Variants in IRF2 observed in about 807,000 individuals in gnomAD.
The protein encoded by IRF2 is interferon regulatory factor 2.
In IRF2, 15 loss-of-function variants were observed where a neutral mutation model predicts 40.6. That is an observed-to-expected ratio of 0.37 (90% CI 0.25 to 0.57). The LOEUF (loss-of-function observed/expected upper bound fraction) is 0.57, where lower values mean the gene tolerates loss of function less well. Ranked by LOEUF, IRF2 falls within the 20% of genes least tolerant of loss-of-function variation. The probability of loss-of-function intolerance (pLI) is 0.77; values close to 1 mark genes in which losing one functional copy is unlikely to be tolerated. For missense variants in IRF2, 317 were observed against 455.7 expected (o/e 0.70, Z 2.77); for synonymous variants, 151 against 165.5 (o/e 0.91, Z 0.67).
chr4:184,443,100 A>C (rs58339330), intron 1 of IRF2, among the ~76,000 whole-genome samples: 139 of 152,058 alleles, frequency 9.1e-4, no homozygotes, highest in African/African-American at 3.2e-3. Flanking sequence ...GAATTTTTGC[A>C]TTTTTAGTAG....
At chr4:184,396,860 T>G (rs1261048729) in intron 7 of IRF2, among the ~76,000 whole-genome samples, 1 of 152,110 alleles carries the variant, frequency 6.6e-6, no homozygotes, top group East Asian at 1.9e-4. Flanking sequence ...CCCAGCACTT[T>G]GGGAGGCTGA....
At chr4:184,471,149 T>C (rs1739500096) in intron 1 of IRF2, among the ~76,000 whole-genome samples, 1 of 152,236 alleles carries the variant, frequency 6.6e-6, no homozygotes, top group African/African-American at 2.4e-5. Flanking sequence ...ATTTTGAAAG[T>C]TAATGCCTTA....
chr4:184,420,170 G>A (rs60880601), intron 2 of IRF2, among the ~76,000 whole-genome samples: 2,241 of 152,232 alleles, frequency 0.015, 53 homozygotes, highest in African/African-American at 0.052. Context: ...ACCCGGCCCT[G>A]TGCCTCTTTT....
At position 184,447,347 on chromosome 4, in the gene IRF2, C is replaced by T. The variant is rs76283714; in HGVS notation, c.-6-18277G>A. Among the ~76,000 whole-genome samples, 298 of 152,146 alleles carry T rather than the reference C, an allele frequency of 2.0e-3. 7 individuals carry two copies. In the East Asian group the frequency reaches 0.044, roughly 22 times the overall value. On this transcript the variant is annotated intron_variant, in intron 1 of 8. Coordinates refer to ENST00000393593, the MANE Select transcript of IRF2 (RefSeq NM_002199.4). ...TGTCATTGAACAAAATTGGAATCTA[C>T]GAATAAATAAATAGGGGAATGAAAA...
intron 1 of IRF2, among the ~76,000 whole-genome samples, chr4:184,454,546 T>C (rs905517541): frequency 6.6e-6 from 1 of 152,216 alleles, no homozygotes; most frequent in South Asian, 2.1e-4. Flanking sequence ...TTTTGGAAGA[T>C]ACCTACTGCC....
intron 1 of IRF2, among the ~76,000 whole-genome samples, chr4:184,473,598 G>C (rs1369007252): frequency 6.8e-6 from 1 of 147,682 alleles, no homozygotes; most frequent in Non-Finnish European, 1.5e-5. Flanking sequence ...CCAGCCCCCA[G>C]GAAGCAGGGC....
rs1737583810 is a variant in IRF2, at chr4:184,424,119, G to GTATATGTA, written c.88-4552_88-4551insTACATATA. Among the ~76,000 whole-genome samples the GTATATGTA allele has an allele frequency of 2.0e-5, 3 of 152,104 alleles. No individual in the cohort carries two copies. In the South Asian group the frequency reaches 6.2e-4, roughly 32 times the overall value. On this transcript the variant is annotated intron_variant, in intron 2 of 8. Transcript: ENST00000393593. ...CAAAATATTCATACATCTAGATACA[G>GTATATGTA]GCATATGAAAATTTGCTATCCTATT...
chr4:184,411,453 A>G lies in IRF2; in HGVS notation c.412-3178T>C, dbSNP rs1447723114. Among the ~76,000 whole-genome samples the G allele has an allele frequency of 5.9e-5, 9 of 152,224 alleles. No individual in the cohort carries two copies. The East Asian group carries it at 1.7e-3, about 29-fold the overall frequency. On this transcript the variant is annotated intron_variant, in intron 5 of 8. Coordinates refer to ENST00000393593, the MANE Select transcript of IRF2 (RefSeq NM_002199.4). ...GATGGAGGCTAGGAGAGACTATTCC[A>G]AACACTGTGTTACTCCCCTCACCCC...
chr4:184,393,411 CT>C (rs1331128900), intron 7 of IRF2, among the ~76,000 whole-genome samples: 1 of 152,176 alleles, frequency 6.6e-6, no homozygotes, highest in Non-Finnish European at 1.5e-5. Flanking sequence ...TCTTCTTTTC[CT>C]TTCCCCTCCA....
intron 8 of IRF2, among the ~76,000 whole-genome samples, chr4:184,390,225 A>G (rs949423064): frequency 2.6e-5 from 4 of 151,954 alleles, no homozygotes; most frequent in Non-Finnish European, 5.9e-5. Context: ...GGGAGAGGGG[A>G]CGGGACCCAC....
intron 6 of IRF2, chr4:184,407,106 A>G: frequency 1.0e-6 from 1 of 960,198 alleles, no homozygotes; most frequent in South Asian, 1.3e-5. Flanking sequence ...GACCAGTCAG[A>G]CAGAATGTCC....
intron 5 of IRF2, among the ~76,000 whole-genome samples, chr4:184,414,304 C>G (rs966558956): frequency 2.0e-5 from 3 of 152,232 alleles, no homozygotes; most frequent in Admixed American, 2.0e-4. Context: ...TATACATGCA[C>G]TGATGATGTA....
At position 184,408,023 on chromosome 4, in the gene IRF2, G is replaced by C; in HGVS notation, c.529+135C>G. 5.2e-6 allele frequency: 3 copies of C among 582,388 alleles called. No individual in the cohort carries two copies. The highest frequency in any genetic ancestry group is 9.3e-6 in the Non-Finnish European group (3 of 322,620). 36.1% of individuals were successfully genotyped at this position (582,388 alleles called of 1,614,324 possible). On this transcript the variant is annotated intron_variant, in intron 6 of 8. Transcript: ENST00000393593. The surrounding 1 kb of genome is among the most constrained non-coding windows in gnomAD (Gnocchi z 4.9). Reference sequence around the variant, plus strand: ...CGTTTCTCAGCCTTGAAATCTGGGGGCTGGAACTTGCATTCTGAGATGATT... The same window carrying C: ...CGTTTCTCAGCCTTGAAATCTGGGGCCTGGAACTTGCATTCTGAGATGATT...
chr4:184,404,497 C>T (rs764871299), intron 6 of IRF2, among the ~76,000 whole-genome samples: 19 of 152,072 alleles, frequency 1.2e-4, no homozygotes, highest in East Asian at 7.7e-4. Context: ...AGGATCAGTA[C>T]GATTATTTCC....
At chr4:184,450,852 G>A (rs1738688295) in intron 1 of IRF2, among the ~76,000 whole-genome samples, 1 of 152,050 alleles carries the variant, frequency 6.6e-6, no homozygotes, top group African/African-American at 2.4e-5. Context: ...TTGTTTGTTT[G>A]TTTGTTGCTG....
At chr4:184,417,004 C>T (rs776743618) in intron 5 of IRF2, among the ~76,000 whole-genome samples, 17 of 152,038 alleles carry the variant, frequency 1.1e-4, no homozygotes, top group Non-Finnish European at 2.4e-4. Flanking sequence ...CAAGATCGCG[C>T]CATTGCACTC....
At chr4:184,425,934 G>A (rs1305275083) in intron 2 of IRF2, among the ~76,000 whole-genome samples, 1 of 152,064 alleles carries the variant, frequency 6.6e-6, no homozygotes, top group Admixed American at 6.5e-5. Flanking sequence ...CAGTCCTGAA[G>A]GCCAGAAGTC....
chr4:184,422,674 GAC>G (rs1307029823), intron 2 of IRF2, among the ~76,000 whole-genome samples: 1 of 152,158 alleles, frequency 6.6e-6, no homozygotes, highest in Non-Finnish European at 1.5e-5. Context: ...AAAGAAGCCA[GAC>G]ACAAAAGGCC....
At position 184,400,786 on chromosome 4, in the gene IRF2, C is replaced by T. The variant is rs570083648; in HGVS notation, c.530-1707G>A. ...TAGGTAAGTCATGATGTTTCATGGC[C>T]ATTTTAATTTGAAGGTCCCTAAGGT... On this transcript the variant is annotated intron_variant, in intron 6 of 8. Transcript: ENST00000393593. Among the ~76,000 whole-genome samples the T allele has an allele frequency of 6.6e-5, 10 of 152,238 alleles. No homozygotes were observed. In the East Asian group the frequency reaches 1.3e-3, roughly 21 times the overall value.
Sources: gnomAD v4.1 joint callset for allele counts (sites outside exome capture counted in the v4.1 genomes callset) on GRCh38, gnomAD v4.1.1 for gene constraint, Gnocchi (gnomAD v3.1) non-coding constraint, MANE v1.5 for transcripts, NCBI Gene and HGNC (gene_info 2026-07-23, HGNC 2026-07-21) for gene names.